The following FAM83B variants were observed in gnomAD, a reference collection of about 807,000 sequenced individuals.
FAM83B encodes protein FAM83B.
FAM83B carries 26 observed loss-of-function variants against 38.8 expected under a neutral mutation model. That is an observed-to-expected ratio of 0.67 (90% confidence interval 0.49 to 0.93). The LOEUF (loss-of-function observed/expected upper bound fraction) is 0.93. Among genes scored for constraint, FAM83B ranks in the 40% least tolerant of loss-of-function variants. The pLI is 0.00. For missense variants in FAM83B, 1,237 were observed against 1,197.3 expected, an observed-to-expected ratio of 1.03 and a Z score of -0.49; for synonymous variants, 419 against 423.1, an observed-to-expected ratio of 0.99 and a Z score of 0.12.
At chr6:54,917,408 TTAAAAATTTC>T (rs1457140284) in intron 2 of FAM83B, among the ~76,000 whole-genome samples, 1 of 152,194 alleles carries the variant, frequency 6.6e-6, no homozygotes, top group African/African-American at 2.4e-5. Flanking sequence ...AAGTGATTTT[TTAAAAATTTC>T]CACTTTTAAA....
chr6:54,939,650 C>G lies in FAM83B; in HGVS notation c.735-56C>G, dbSNP rs1773608900. ...TTAAGTGATACTTTTTTTAGTAGAA[C>G]TATATGTTATTATCAATCTTTTAAA... is the stretch of plus-strand genomic sequence containing the variant. On this transcript the variant is annotated intron_variant, in intron 4 of 4. Coordinates refer to ENST00000306858, the MANE Select transcript of FAM83B (RefSeq NM_001010872.3). 3.5e-6 allele frequency: 5 copies of G among 1,441,170 alleles called. No homozygotes were observed. In the South Asian group the frequency reaches 7.2e-5, roughly 21 times the overall value. 89.3% of individuals were successfully genotyped at this position (1,441,170 alleles called of 1,614,324 possible). A position where few individuals can be genotyped will look rare whatever the true frequency, so the allele number is the denominator to read the frequency against.
chr6:54,915,471 A>G (rs1178844245), intron 2 of FAM83B, among the ~76,000 whole-genome samples: 1 of 152,108 alleles, frequency 6.6e-6, no homozygotes, highest in Non-Finnish European at 1.5e-5. Flanking sequence ...CTCATGCTAG[A>G]CTAGGACTGA....
rs150053318 is a variant in FAM83B at position 54,914,683 on chromosome 6, C to G, written c.445-11688C>G. ...CATTTTTGAATCTCAATTGGGCTCT[C>G]ACTGAACTCTGCCAACCCTTTAAAA... On this transcript the variant is annotated intron_variant, in intron 2 of 4. Coordinates refer to ENST00000306858, the MANE Select transcript of FAM83B (RefSeq NM_001010872.3). Among the ~76,000 whole-genome samples the G allele has an allele frequency of 2.2e-4, 33 of 152,278 alleles. No individual in the cohort carries two copies. The East Asian group carries it at 5.6e-3, about 26-fold the overall frequency.
chr6:54,899,094 C>G (rs1451875877), intron 2 of FAM83B, among the ~76,000 whole-genome samples: 2 of 152,152 alleles, frequency 1.3e-5, no homozygotes, highest in African/African-American at 2.4e-5. Context: ...CCCCATTTAA[C>G]ATTTTCGAGC....
Position 54,904,259 on chromosome 6 carries a change from T to C in FAM83B, c.445-22112T>C, listed in dbSNP as rs567104774. On this transcript the variant is annotated intron_variant, in intron 2 of 4. Transcript: ENST00000306858. Reference sequence around the variant, plus strand: ...GCTAGAGAATGATGATCAGTACATATGCTGATATGTAGGCAGTTATCAAGT... The same window carrying C: ...GCTAGAGAATGATGATCAGTACATACGCTGATATGTAGGCAGTTATCAAGT... Among the ~76,000 whole-genome samples the C allele has an allele frequency of 7.2e-5, 11 of 152,312 alleles. No individual in the cohort carries two copies. The East Asian group carries it at 2.1e-3, about 29-fold the overall frequency.
upstream of FAM83B, among the ~76,000 whole-genome samples, chr6:54,846,465 C>A (rs1397147538): frequency 1.3e-5 from 2 of 152,230 alleles, no homozygotes; most frequent in African/African-American, 4.8e-5. Flanking sequence ...GGTGTCGGGA[C>A]TTGTAATTGC....
chr6:54,891,493 C>A (rs1772401768), intron 2 of FAM83B, among the ~76,000 whole-genome samples: 1 of 152,126 alleles, frequency 6.6e-6, no homozygotes, highest in Admixed American at 6.6e-5. Flanking sequence ...CATTTTATTT[C>A]TTACTGCTGC....
intron 2 of FAM83B, among the ~76,000 whole-genome samples, chr6:54,916,487 T>C (rs1773041871): frequency 6.6e-6 from 1 of 152,198 alleles, no homozygotes; most frequent in Non-Finnish European, 1.5e-5. Context: ...AACACGGATG[T>C]CTGACAAAAT....
chr6:54,917,885 T>C (rs1554148782), intron 2 of FAM83B, among the ~76,000 whole-genome samples: 1 of 152,144 alleles, frequency 6.6e-6, no homozygotes, highest in Non-Finnish European at 1.5e-5. Context: ...TAACTCTTGT[T>C]AAAAAATATA....
intron 4 of FAM83B, among the ~76,000 whole-genome samples, chr6:54,935,965 T>A (rs1403169414): frequency 1.3e-5 from 2 of 152,076 alleles, no homozygotes; most frequent in African/African-American, 4.8e-5. Flanking sequence ...TGACAACTTA[T>A]GAGTCATACA....
At chr6:54,893,475 A>T (rs1309703261) in intron 2 of FAM83B, among the ~76,000 whole-genome samples, 1 of 152,140 alleles carries the variant, frequency 6.6e-6, no homozygotes, top group Non-Finnish European at 1.5e-5. Flanking sequence ...AGTTCTGGTT[A>T]TCTGTTTAGT....
intron 2 of FAM83B, among the ~76,000 whole-genome samples, chr6:54,881,309 T>C (rs1352799720): frequency 2.6e-5 from 4 of 152,242 alleles, no homozygotes; most frequent in African/African-American, 9.6e-5. Flanking sequence ...CATGGTAATA[T>C]TCCTTCAGAA....
intron 1 of FAM83B, among the ~76,000 whole-genome samples, chr6:54,852,301 T>C (rs1311365057): frequency 6.6e-6 from 1 of 152,230 alleles, no homozygotes; most frequent in Non-Finnish European, 1.5e-5. Context: ...CATGCTCACT[T>C]TGTGTCTCTG....
intron 2 of FAM83B, among the ~76,000 whole-genome samples, chr6:54,894,380 T>C (rs538279529): frequency 1.3e-5 from 2 of 152,338 alleles, no homozygotes; most frequent in Admixed American, 1.3e-4. Flanking sequence ...GATGAATCTC[T>C]TGATTTTGTT....
chr6:54,881,569 A>C (rs539975453), intron 2 of FAM83B, among the ~76,000 whole-genome samples: 1 of 152,258 alleles, frequency 6.6e-6, no homozygotes, highest in East Asian at 1.9e-4. Context: ...CATAAAAAAA[A>C]CTGAGTCATA....
chr6:54,923,212 C>A (rs1773210595), intron 2 of FAM83B, among the ~76,000 whole-genome samples: 3 of 151,924 alleles, frequency 2.0e-5, no homozygotes, highest in African/African-American at 7.2e-5. Context: ...GATATATATT[C>A]AATCTTTAAC....
At chr6:54,869,322 C>T (rs1771788994) in intron 1 of FAM83B, among the ~76,000 whole-genome samples, 1 of 152,182 alleles carries the variant, frequency 6.6e-6, no homozygotes, top group Non-Finnish European at 1.5e-5. Flanking sequence ...CTACCTGTCT[C>T]TTCTTCAGTC....
chr6:54,903,022 A>G (rs1278961198), intron 2 of FAM83B, among the ~76,000 whole-genome samples: 1 of 152,208 alleles, frequency 6.6e-6, no homozygotes, highest in Non-Finnish European at 1.5e-5. Flanking sequence ...GTATAACAAG[A>G]AGATATGTAG....
At chr6:54,928,589 G>A (rs1435353680) in intron 4 of FAM83B, among the ~76,000 whole-genome samples, 2 of 152,044 alleles carry the variant, frequency 1.3e-5, no homozygotes, top group Non-Finnish European at 2.9e-5. Context: ...GCTGTTTGGA[G>A]TTCCAAATGA....
Sources: gnomAD v4.1 joint callset for allele counts (sites outside exome capture counted in the v4.1 genomes callset) on GRCh38, gnomAD v4.1.1 for gene constraint, MANE v1.5 for transcripts, NCBI Gene and HGNC (gene_info 2026-07-23, HGNC 2026-07-21) for gene names.